The following SYNGR2 variants were observed in gnomAD, a reference collection of about 807,000 sequenced individuals.
SYNGR2 encodes synaptogyrin-2.
A neutral mutation model predicts 18.7 loss-of-function variants in SYNGR2; 11 were observed. That is an observed-to-expected ratio of 0.59 (90% confidence interval 0.37 to 0.97). The LOEUF (loss-of-function observed/expected upper bound fraction) is 0.97. Among genes scored for constraint, SYNGR2 ranks in the 50% least tolerant of loss-of-function variants. SYNGR2 has a pLI of 0.01. For synonymous variants in SYNGR2, 127 were observed against 131.0 expected (o/e 0.97, Z 0.21); for missense variants, 253 against 300.7 (o/e 0.84, Z 1.17).
chr17:78,169,919 TG>T (rs1414806934), intron 1 of SYNGR2: 4 of 153,018 alleles, frequency 2.6e-5, no homozygotes, highest in Admixed American at 2.0e-4. Context: ...CCACAGAGGC[TG>T]CAAGTCCTTG....
In SYNGR2 at chr17:78,172,361, C is replaced by T. The variant is rs972546950; in HGVS notation, c.*425C>T. 5.1e-5 allele frequency: 16 copies of T among 315,658 alleles called. No individual in the cohort carries two copies. The highest frequency in any genetic ancestry group is 1.4e-4 in the Admixed American group (3 of 21,950). 19.6% of individuals were successfully genotyped at this position (315,658 alleles called of 1,614,324 possible). On this transcript the variant is annotated 3_prime_UTR_variant, in exon 4 of 4. Transcript: ENST00000225777. ...GGGCCATCACACCTGCCCTGTGCAG[C>T]GGAGCCGGACCAGGCTCTTGTGTCC...
At position 78,171,926 on chromosome 17, in the gene SYNGR2, C is replaced by T. The variant is rs1349635527; in HGVS notation, c.665C>T (p.Pro222Leu). 1 of 1,613,454 alleles carries T rather than the reference C, an allele frequency of 6.2e-7. No homozygotes were observed. Among genetic ancestry groups the T allele is most frequent in the South Asian group, 1.1e-5 (1 of 91,088 alleles). Residue 222 changes from proline to leucine, a missense_variant, in exon 4 of 4, where the codon CCT becomes CTT. Transcript: ENST00000225777. This position sits in a 1 kb window ranked among gnomAD's most constrained non-coding sequence, Gnocchi z 6.6. Reference protein sequence around the residue: ...AETTEGYQPPPVY With the variant: ...AETTEGYQPPLVY ...ACCACCGAGGGCTACCAGCCGCCCC[C>T]TGTGTACTGAGCGGCGGTTAGCGTG...
intron 1 of SYNGR2, 50 bp from the exon 2 acceptor site, chr17:78,170,767 T>G (rs1318790504): frequency 1.3e-6 from 2 of 1,515,158 alleles, no homozygotes; most frequent in East Asian, 4.5e-5. Context: ...CCCCGCTGTG[T>G]GTGCCCCTCA....
At chr17:78,172,771 C>T (rs1017632164), downstream of SYNGR2, 3 of 152,252 alleles carry the variant, frequency 2.0e-5, no homozygotes, top group Non-Finnish European at 4.4e-5. Context: ...GAAGACTCCA[C>T]TCTGGGTACA....
Position 78,171,166 on chromosome 17 carries a change from C to T in SYNGR2, c.337+112C>T. On this transcript the variant is annotated intron_variant, in intron 2 of 3. Coordinates refer to ENST00000225777, the MANE Select transcript of SYNGR2 (RefSeq NM_004710.7). The surrounding 1 kb of genome is among the most constrained non-coding windows in gnomAD (Gnocchi z 6.6). ...AGGGGCAGGGAGCAGCTCACTCCTC[C>T]AGGGCATTTTTAGGAAAGGGTTTTC... 1 of 1,065,324 alleles carries T rather than the reference C, an allele frequency of 9.4e-7. No individual in the cohort carries two copies. Among genetic ancestry groups the T allele is most frequent in the East Asian group, 2.4e-5 (1 of 42,122 alleles). 66.0% of individuals were successfully genotyped at this position (1,065,324 alleles called of 1,614,324 possible).
In SYNGR2 at chr17:78,168,585, T is replaced by TCCGCGGCGGCGGCAGCGGCGG; in HGVS notation, c.-30_-10dup. The TCCGCGGCGGCGGCAGCGGCGG allele has an allele frequency of 8.5e-7, 1 of 1,172,806 alleles. No individual in the cohort carries two copies. Among genetic ancestry groups the TCCGCGGCGGCGGCAGCGGCGG allele is most frequent in the Non-Finnish European group, 1.1e-6 (1 of 943,638 alleles). 72.6% of individuals were successfully genotyped at this position (1,172,806 alleles called of 1,614,324 possible). On this transcript the variant is annotated 5_prime_UTR_variant, in exon 1 of 4. Transcript: ENST00000225777. ...GGGCGCCGGGCAGGTTCCTCTGCGT[T>TCCGCGGCGGCGGCAGCGGCGG]CCGCGGCGGCGGCAGCGGCGGCGAC...
chr17:78,171,152 G>A lies in SYNGR2; in HGVS notation c.337+98G>A. ...TCGGCCTCTCTGGGAGGGGCAGGGA[G>A]CAGCTCACTCCTCCAGGGCATTTTT... On this transcript the variant is annotated intron_variant, in intron 2 of 3. Coordinates refer to ENST00000225777, the MANE Select transcript of SYNGR2 (RefSeq NM_004710.7). This position sits in a 1 kb window ranked among gnomAD's most constrained non-coding sequence, Gnocchi z 6.6. The A allele has an allele frequency of 5.9e-6, 7 of 1,185,732 alleles. No individual in the cohort carries two copies. The highest frequency in any genetic ancestry group is 2.0e-4 in the Middle Eastern group (1 of 4,950). The allele number at this position is 1,185,732 out of a possible 1,614,324, so 73.5% of individuals were successfully genotyped here.
chr17:78,172,081 G>A lies in SYNGR2; in HGVS notation c.*145G>A. The stretch of plus-strand genomic sequence containing the variant: ...ACACAGCTAAGGAGCCTCATAGCCT[G>A]GCGGGGGCTGGCAGAGCCACACCCC... On this transcript the variant is annotated 3_prime_UTR_variant, in exon 4 of 4. Transcript: ENST00000225777. The A allele has an allele frequency of 6.8e-7, 1 of 1,470,970 alleles. No homozygotes were observed. Among genetic ancestry groups the A allele is most frequent in the Non-Finnish European group, 9.0e-7 (1 of 1,112,392 alleles). 91.1% of individuals were successfully genotyped at this position (1,470,970 alleles called of 1,614,324 possible). A position where few individuals can be genotyped will look rare whatever the true frequency, so the allele number is the denominator to read the frequency against.
rs2145815709 is a variant in SYNGR2, at chr17:78,171,032, C to T, written c.315C>T (p.Val105=). The T allele has an allele frequency of 1.2e-6, 2 of 1,613,286 alleles. No individual in the cohort carries two copies. The highest frequency in any genetic ancestry group is 1.3e-5 in the African/African-American group (1 of 75,026). The change falls in exon 2 of 4, where the codon GTC becomes GTT. Residue 105 remains valine (V), a synonymous_variant. Coordinates refer to ENST00000225777, the MANE Select transcript of SYNGR2 (RefSeq NM_004710.7). The surrounding 1 kb of genome is among the most constrained non-coding windows in gnomAD (Gnocchi z 6.6). The part of the protein sequence containing the change: ...ISNATDRKYL[V]IGDLLFSALW... ...ACGCCACTGACCGCAAGTACCTGGT[C>T]ATTGGTGACCTGCTCTTCTCAGGTA...
intron 1 of SYNGR2, chr17:78,169,268 GTGTGT>G (rs199639517): frequency 0.35 from 39,417 of 112,892 alleles, 7,046 homozygotes; most frequent in South Asian, 0.48. Context: ...GTGTGTGTGT[GTGTGT>G]GGCGGGGAGG....
In SYNGR2 at chr17:78,170,903, C is replaced by T; in HGVS notation, c.186C>T (p.Asn62=). The change falls in exon 2 of 4, where the codon AAC becomes AAT. Residue 62 remains asparagine, a synonymous_variant. Coordinates refer to ENST00000225777, the MANE Select transcript of SYNGR2 (RefSeq NM_004710.7). The part of the protein sequence containing the change: ...HESKQMYCVF[N]RNEDACRYGS... ...CTAAGCAGATGTACTGCGTGTTCAA[C>T]CGCAACGAGGATGCCTGCCGCTATG... 1 of 1,613,574 alleles carries T rather than the reference C, an allele frequency of 6.2e-7. No individual in the cohort carries two copies. The highest frequency in any genetic ancestry group is 8.5e-7 in the Non-Finnish European group (1 of 1,180,022).
In SYNGR2 at chr17:78,171,494, A is replaced by T; in HGVS notation, c.338-16A>T. The T allele has an allele frequency of 1.3e-6, 2 of 1,513,162 alleles. No homozygotes were observed. The highest frequency in any genetic ancestry group is 8.8e-7 in the Non-Finnish European group (1 of 1,131,264). 93.7% of individuals were successfully genotyped at this position (1,513,162 alleles called of 1,614,324 possible). A position where few individuals can be genotyped will look rare whatever the true frequency, so the allele number is the denominator to read the frequency against. On this transcript the variant is annotated splice_polypyrimidine_tract_variant and intron_variant, in intron 2 of 3. Transcript: ENST00000225777. This position sits in a 1 kb window ranked among gnomAD's most constrained non-coding sequence, Gnocchi z 6.6. ...TCCCTTTCCATGGAACTGACGCTTC[A>T]CCCGTCCTCCCCCAGCTCTCTGGAC...
In SYNGR2 at chr17:78,172,028, T is replaced by C. The variant is rs1259529478; in HGVS notation, c.*92T>C. ...CTCCTGGAACTGCCAGCCCCTCTCT[T>C]TCACCTGTTCCATCCTGTGCAGCTG... On this transcript the variant is annotated 3_prime_UTR_variant, in exon 4 of 4. Transcript: ENST00000225777. 1 of 1,587,608 alleles carries C rather than the reference T, an allele frequency of 6.3e-7. No homozygotes were observed. The highest frequency in any genetic ancestry group is 8.5e-7 in the Non-Finnish European group (1 of 1,172,954).
chr17:78,172,296 G>A lies in SYNGR2; in HGVS notation c.*360G>A. 6.0e-6 allele frequency: 3 copies of A among 501,970 alleles called. No individual in the cohort carries two copies. Among genetic ancestry groups the A allele is most frequent in the East Asian group, 3.2e-5 (1 of 31,346 alleles). 31.1% of individuals were successfully genotyped at this position (501,970 alleles called of 1,614,324 possible). A position where few individuals can be genotyped will look rare whatever the true frequency, so the allele number is the denominator to read the frequency against. ...TCCCCCCGGCCCGGGTCAGGCCGTG[G>A]GAGCCGCTATTATCTGCGTTCTCTG... On this transcript the variant is annotated 3_prime_UTR_variant, in exon 4 of 4. Coordinates refer to ENST00000225777, the MANE Select transcript of SYNGR2 (RefSeq NM_004710.7).
At position 78,172,410 on chromosome 17, in the gene SYNGR2, G is replaced by A. The variant is rs914038039; in HGVS notation, c.*474G>A. On this transcript the variant is annotated 3_prime_UTR_variant, in exon 4 of 4. Coordinates refer to ENST00000225777, the MANE Select transcript of SYNGR2 (RefSeq NM_004710.7). Reference sequence around the variant, plus strand: ...CCTCACTCAGGTTTGCTTCCCCTGTGCCCACTGCTGTATGATCTGGGGGCC... The same window carrying A: ...CCTCACTCAGGTTTGCTTCCCCTGTACCCACTGCTGTATGATCTGGGGGCC... The A allele has an allele frequency of 1.3e-5, 3 of 223,490 alleles. No individual in the cohort carries two copies. Among genetic ancestry groups the A allele is most frequent in the Non-Finnish European group, 2.7e-5 (3 of 112,722 alleles). 13.8% of individuals were successfully genotyped at this position (223,490 alleles called of 1,614,324 possible). A position where few individuals can be genotyped will look rare whatever the true frequency, so the allele number is the denominator to read the frequency against.
chr17:78,170,810 C>A lies in SYNGR2; in HGVS notation c.100-7C>A. The A allele has an allele frequency of 6.2e-7, 1 of 1,604,434 alleles. No individual in the cohort carries two copies. ...ACCAGCCCTACCAGGTCCTCCCCTC[C>A]CGGCAGGTCTTCGCCTTGATCGTGT... is the stretch of plus-strand genomic sequence containing the variant. On this transcript the variant is annotated splice_region_variant and splice_polypyrimidine_tract_variant and intron_variant, in intron 1 of 3. Transcript: ENST00000225777.
In SYNGR2 at chr17:78,171,894, C is replaced by T. The variant is rs753572876; in HGVS notation, c.633C>T (p.Asn211=). 93 of 1,613,708 alleles carry T rather than the reference C, an allele frequency of 5.8e-5. No individual in the cohort carries two copies. Among genetic ancestry groups the T allele is most frequent in the Non-Finnish European group, 7.0e-5 (83 of 1,180,006 alleles). Residue 211 remains asparagine, a synonymous_variant, in exon 4 of 4, where the codon AAC becomes AAT. Coordinates refer to ENST00000225777, the MANE Select transcript of SYNGR2 (RefSeq NM_004710.7). This position sits in a 1 kb window ranked among gnomAD's most constrained non-coding sequence, Gnocchi z 6.6. ...ACCAACAGCCACCCTTCACCCAGAACGCGGAGACCACCGAGGGCTACCAGC... is the reference window on the plus strand; with the variant it reads ...ACCAACAGCCACCCTTCACCCAGAATGCGGAGACCACCGAGGGCTACCAGC... ...DNYQQPPFTQ[N]AETTEGYQPP...
In SYNGR2 at chr17:78,172,121, A is replaced by C; in HGVS notation, c.*185A>C. On this transcript the variant is annotated 3_prime_UTR_variant, in exon 4 of 4. Coordinates refer to ENST00000225777, the MANE Select transcript of SYNGR2 (RefSeq NM_004710.7). ...AGCCACACCCCAAGTGCCTGTGCCC[A>C]GAGGGCTTCAGTCAGCCGCTCACTC... 2 of 1,379,484 alleles carry C rather than the reference A, an allele frequency of 1.4e-6. No individual in the cohort carries two copies. The highest frequency in any genetic ancestry group is 1.9e-6 in the Non-Finnish European group (2 of 1,045,534). 85.5% of individuals were successfully genotyped at this position (1,379,484 alleles called of 1,614,324 possible).
In SYNGR2 at chr17:78,172,448, C is replaced by T. The variant is rs888410949; in HGVS notation, c.*512C>T. 6.2e-5 allele frequency: 11 copies of T among 176,458 alleles called. No individual in the cohort carries two copies. Among genetic ancestry groups the T allele is most frequent in the Admixed American group, 5.2e-4 (9 of 17,392 alleles). The allele number at this position is 176,458 out of a possible 1,614,324, so 10.9% of individuals were successfully genotyped here. Reference sequence around the variant, plus strand: ...TGATCTGGGGGCCACCACCCTGTGCCGGTGGCCTCTGGGCTGCCTCCCGTG... The same window carrying T: ...TGATCTGGGGGCCACCACCCTGTGCTGGTGGCCTCTGGGCTGCCTCCCGTG... On this transcript the variant is annotated 3_prime_UTR_variant, in exon 4 of 4. Transcript: ENST00000225777.
Sources: gnomAD v4.1 joint callset for allele counts on GRCh38, gnomAD v4.1.1 for gene constraint, Gnocchi (gnomAD v3.1) non-coding constraint, MANE v1.5 for transcripts, NCBI Gene and HGNC (gene_info 2026-07-23, HGNC 2026-07-21) for gene names.